The following BTBD9 variants were observed in gnomAD, a reference collection of about 807,000 sequenced individuals.
The protein encoded by BTBD9 is BTB domain containing 9, also known as BTB/POZ domain-containing protein 9.
BTBD9 carries 49 observed loss-of-function variants against 64.3 expected under a neutral mutation model. The ratio of observed to expected loss-of-function variants is 0.76; its 90% CI spans 0.61 to 0.97. BTBD9 has a LOEUF of 0.97. Ranked by LOEUF, BTBD9 falls within the 50% of genes least tolerant of loss-of-function variation. The pLI is 0.00. For missense variants in BTBD9, 598 were observed against 762.1 expected (o/e 0.78, Z 2.53); for synonymous variants, 260 against 274.7 (o/e 0.95, Z 0.53).
At chr6:38,350,756 ATTG>A (rs1764470291) in intron 6 of BTBD9, among the ~76,000 whole-genome samples, 1 of 152,212 alleles carries the variant, frequency 6.6e-6, no homozygotes, top group East Asian at 1.9e-4. Context: ...TGCGGAGAAC[ATTG>A]TTGTTTGTTG....
chr6:38,469,322 C>CTTTTTTTTTTTTTTTTTTTTTCTT (rs11432881), intron 6 of BTBD9, among the ~76,000 whole-genome samples: 1 of 127,522 alleles, frequency 7.8e-6, no homozygotes, highest in Non-Finnish European at 1.6e-5. Flanking sequence ...TTTTTTTTTC[C>CTTTTTTTTTTTTTTTTTTTTTCTT]TTTTTTTTTT....
chr6:38,247,712 A>C (rs1180410065), intron 9 of BTBD9, among the ~76,000 whole-genome samples: 1 of 152,266 alleles, frequency 6.6e-6, no homozygotes, highest in African/African-American at 2.4e-5. Flanking sequence ...GGAGAGAAGC[A>C]TAAGGAAAAT....
At chr6:38,391,453 G>C (rs773653488) in intron 6 of BTBD9, among the ~76,000 whole-genome samples, 2 of 152,152 alleles carry the variant, frequency 1.3e-5, no homozygotes, top group Non-Finnish European at 2.9e-5. Context: ...GGTCATACCT[G>C]AAGTCAGATC....
At chr6:38,593,609 G>A (rs966617707) in intron 3 of BTBD9, among the ~76,000 whole-genome samples, 3 of 152,134 alleles carry the variant, frequency 2.0e-5, no homozygotes, top group African/African-American at 7.2e-5. Flanking sequence ...TTGCTCTAAG[G>A]AATTATTAGT....
chr6:38,287,500 T>C (rs1009808902), intron 8 of BTBD9, among the ~76,000 whole-genome samples: 1 of 152,196 alleles, frequency 6.6e-6, no homozygotes, highest in African/African-American at 2.4e-5. Flanking sequence ...TGTTTAGACA[T>C]GTTCAGATAC....
intron 6 of BTBD9, among the ~76,000 whole-genome samples, chr6:38,441,779 T>C (rs1769045705): frequency 6.6e-6 from 1 of 152,194 alleles, no homozygotes; most frequent in Non-Finnish European, 1.5e-5. Context: ...GGGTGCCAGA[T>C]ACTATTCTAA....
chr6:38,220,148 G>A (rs1763151172), intron 9 of BTBD9, among the ~76,000 whole-genome samples: 2 of 152,200 alleles, frequency 1.3e-5, no homozygotes, highest in African/African-American at 4.8e-5. Flanking sequence ...CATGGCAGTG[G>A]GTGATGGTGT....
intron 1 of BTBD9, among the ~76,000 whole-genome samples, chr6:38,614,610 A>C (rs756717771): frequency 6.6e-6 from 1 of 152,196 alleles, no homozygotes; most frequent in Non-Finnish European, 1.5e-5. Flanking sequence ...TCCTTATGCA[A>C]TGTTCCCTAG....
chr6:38,405,282 G>T (rs565731392), intron 6 of BTBD9, among the ~76,000 whole-genome samples: 1 of 152,202 alleles, frequency 6.6e-6, no homozygotes, highest in South Asian at 2.1e-4. Context: ...TAAGACAAGG[G>T]AAGAAAATCT....
At chr6:38,320,476 C>T (rs115028573) in intron 7 of BTBD9, among the ~76,000 whole-genome samples, 31 of 152,206 alleles carry the variant, frequency 2.0e-4, no homozygotes, top group African/African-American at 6.5e-4. Context: ...ATTAATTATG[C>T]GGGAGGAAAA....
chr6:38,432,402 C>T (rs1768483958), intron 6 of BTBD9, among the ~76,000 whole-genome samples: 1 of 151,894 alleles, frequency 6.6e-6, no homozygotes, highest in African/African-American at 2.4e-5. Flanking sequence ...ATAACAGTCC[C>T]TCCCTAAAAC....
At chr6:38,504,518 T>C (rs1176773632) in intron 6 of BTBD9, 3 of 456,674 alleles carry the variant, frequency 6.6e-6, no homozygotes, top group African/African-American at 4.0e-5. Context: ...GCACTGTCAC[T>C]GTCAGTTAGA....
rs182591489 is a variant in BTBD9 at position 38,391,174 on chromosome 6, T to C, written c.1155-46081A>G. On this transcript the variant is annotated intron_variant, in intron 6 of 10. Coordinates refer to ENST00000481247, the MANE Select transcript of BTBD9 (RefSeq NM_001099272.2). ...GGGAACAGAATTTGGGTGAGGAATG[T>C]GTGCCAAGATGATTAGCTCATGAAC... is the stretch of plus-strand genomic sequence containing the variant. Among the ~76,000 whole-genome samples, 3 of 152,358 alleles carry C rather than the reference T, an allele frequency of 2.0e-5. No homozygotes were observed. The East Asian group carries it at 5.8e-4, about 29-fold the overall frequency.
At chr6:38,364,645 T>C (rs758514814) in intron 6 of BTBD9, among the ~76,000 whole-genome samples, 1 of 152,300 alleles carries the variant, frequency 6.6e-6, no homozygotes, top group African/African-American at 2.4e-5. Context: ...ACCTTAGCTG[T>C]GGAGGGACTT....
At chr6:38,578,517 G>A (rs1387487093) in intron 5 of BTBD9, among the ~76,000 whole-genome samples, 1 of 152,094 alleles carries the variant, frequency 6.6e-6, no homozygotes, top group African/African-American at 2.4e-5. Flanking sequence ...GAAGATTTAG[G>A]TGACCATAAA....
At chr6:38,545,288 A>T (rs1029631499) in intron 6 of BTBD9, among the ~76,000 whole-genome samples, 1 of 152,066 alleles carries the variant, frequency 6.6e-6, no homozygotes, top group Non-Finnish European at 1.5e-5. Context: ...GACAGGTTTC[A>T]CACTGTTGGC....
At chr6:38,578,918 T>A (rs1037169912) in intron 5 of BTBD9, among the ~76,000 whole-genome samples, 14 of 152,160 alleles carry the variant, frequency 9.2e-5, no homozygotes, top group Non-Finnish European at 1.9e-4. Context: ...ATTATTTTTA[T>A]AATAACTTCA....
chr6:38,591,760 C>G (rs1776799849), intron 4 of BTBD9, among the ~76,000 whole-genome samples: 2 of 152,078 alleles, frequency 1.3e-5, no homozygotes, highest in South Asian at 4.1e-4. Flanking sequence ...ACTATGCACT[C>G]TGTAAGTGTT....
intron 6 of BTBD9, among the ~76,000 whole-genome samples, chr6:38,418,846 G>A (rs1416607797): frequency 2.0e-5 from 3 of 152,132 alleles, no homozygotes; most frequent in African/African-American, 7.2e-5. Flanking sequence ...ACAGTGGCGC[G>A]TGCCTATAGT....
Sources: gnomAD v4.1 joint callset for allele counts (sites outside exome capture counted in the v4.1 genomes callset) on GRCh38, gnomAD v4.1.1 for gene constraint, MANE v1.5 for transcripts, NCBI Gene and HGNC (gene_info 2026-07-23, HGNC 2026-07-21) for gene names.